SMAD9: variants seen among roughly 807,000 people sequenced by gnomAD.
SMAD9 encodes MAD homolog 9.
Under a neutral mutation model 46.1 loss-of-function variants are expected in SMAD9, and 36 were observed. The ratio of observed to expected loss-of-function variants is 0.78; its 90% CI spans 0.60 to 1.03. SMAD9 has a LOEUF of 1.03. Ranked by LOEUF, SMAD9 falls within the 50% of genes least tolerant of loss-of-function variation. The probability of loss-of-function intolerance (pLI) is 0.00; values close to 1 mark genes in which losing one functional copy is unlikely to be tolerated. For missense variants in SMAD9, 572 were observed against 599.8 expected (o/e 0.95, Z 0.48); for synonymous variants, 245 against 237.1 (o/e 1.03, Z -0.31).
intron 1 of SMAD9, among the ~76,000 whole-genome samples, chr13:36,909,685 C>T (rs1263729598): frequency 6.6e-6 from 1 of 152,214 alleles, no homozygotes; most frequent in Non-Finnish European, 1.5e-5. Flanking sequence ...AGTACCATCA[C>T]TGTCATCTTC....
In SMAD9 at chr13:36,862,839, G is replaced by A. The variant is rs149067353; in HGVS notation, c.1003+2698C>T. ...TTCCAGGAAGGCCTTCCCTGGTTACGCTGGTTTAAAGTCTCCATTCTCTTC... is the reference window on the plus strand; with the variant it reads ...TTCCAGGAAGGCCTTCCCTGGTTACACTGGTTTAAAGTCTCCATTCTCTTC... On this transcript the variant is annotated intron_variant, in intron 5 of 6. Transcript: ENST00000379826. Among the ~76,000 whole-genome samples, 14 of 152,180 alleles carry A rather than the reference G, an allele frequency of 9.2e-5. No individual in the cohort carries two copies. In the East Asian group the frequency reaches 1.5e-3, roughly 17 times the overall value.
intron 1 of SMAD9, among the ~76,000 whole-genome samples, chr13:36,894,792 C>A (rs2058515243): frequency 6.6e-6 from 1 of 152,132 alleles, no homozygotes; most frequent in South Asian, 2.1e-4. Flanking sequence ...TCCCCTGGAG[C>A]CTGTGGTTCC....
chr13:36,888,002 G>A (rs1479204799), intron 1 of SMAD9, among the ~76,000 whole-genome samples: 2 of 152,090 alleles, frequency 1.3e-5, no homozygotes, highest in Non-Finnish European at 2.9e-5. Context: ...ACTCCAACAG[G>A]GGCCCGTCTG....
intron 1 of SMAD9, among the ~76,000 whole-genome samples, chr13:36,907,344 G>A (rs2058627601): frequency 6.6e-6 from 1 of 152,130 alleles, no homozygotes; most frequent in Non-Finnish European, 1.5e-5. Context: ...ACCGGAATGT[G>A]CTTAATGCCA....
intron 5 of SMAD9, among the ~76,000 whole-genome samples, chr13:36,854,556 G>A (rs576646469): frequency 6.6e-6 from 1 of 152,074 alleles, no homozygotes; most frequent in East Asian, 1.9e-4. Context: ...TAGTAGAGAC[G>A]GGGTTTCACC....
intron 5 of SMAD9, among the ~76,000 whole-genome samples, chr13:36,854,156 C>T (rs2058100350): frequency 6.6e-6 from 1 of 151,676 alleles, no homozygotes; most frequent in African/African-American, 2.4e-5. Context: ...AAGATGTCAT[C>T]TCAAAAAAAT....
At chr13:36,856,327 A>G (rs2058124403) in intron 5 of SMAD9, among the ~76,000 whole-genome samples, 2 of 152,176 alleles carry the variant, frequency 1.3e-5, no homozygotes. Flanking sequence ...CATAAGATAA[A>G]TACGATTTTT....
intron 1 of SMAD9, among the ~76,000 whole-genome samples, chr13:36,901,297 G>A (rs946595899): frequency 1.3e-5 from 2 of 152,058 alleles, no homozygotes; most frequent in Non-Finnish European, 2.9e-5. Flanking sequence ...CATCAGAAAC[G>A]TATGAAAATT....
intron 1 of SMAD9, among the ~76,000 whole-genome samples, chr13:36,903,542 TAAAC>T (rs2058595304): frequency 6.6e-6 from 1 of 152,170 alleles, no homozygotes; most frequent in Admixed American, 6.5e-5. Flanking sequence ...ACTATCACAT[TAAAC>T]ATTTTTTTCA....
intron 1 of SMAD9, among the ~76,000 whole-genome samples, chr13:36,901,793 T>C (rs2058578505): frequency 6.6e-6 from 1 of 152,232 alleles, no homozygotes; most frequent in African/African-American, 2.4e-5. Context: ...TGTCCATTTG[T>C]ATGTCTTCTT....
At chr13:36,877,746 C>CA (rs1165840992) in intron 2 of SMAD9, among the ~76,000 whole-genome samples, 3 of 152,316 alleles carry the variant, frequency 2.0e-5, no homozygotes, top group Non-Finnish European at 4.4e-5. Flanking sequence ...AATACCTTCT[C>CA]AGCCAGGGCC....
At chr13:36,914,043 C>G (rs930685510) in intron 1 of SMAD9, among the ~76,000 whole-genome samples, 1 of 152,162 alleles carries the variant, frequency 6.6e-6, no homozygotes, top group Non-Finnish European at 1.5e-5. Flanking sequence ...TGCTAATGTA[C>G]TTCCCTGGCC....
intron 1 of SMAD9, among the ~76,000 whole-genome samples, chr13:36,918,403 G>A (rs2058715189): frequency 6.6e-6 from 1 of 152,182 alleles, no homozygotes; most frequent in East Asian, 1.9e-4. Flanking sequence ...AAGATAACCA[G>A]TCAAGCATAA....
intron 1 of SMAD9, among the ~76,000 whole-genome samples, chr13:36,913,698 C>T (rs1435281969): frequency 6.6e-6 from 1 of 152,166 alleles, no homozygotes; most frequent in East Asian, 1.9e-4. Flanking sequence ...GAAAGGGAAG[C>T]ATTCATGTCC....
intron 1 of SMAD9, among the ~76,000 whole-genome samples, chr13:36,882,255 G>A (rs1265193941): frequency 7.0e-6 from 1 of 142,914 alleles, no homozygotes; most frequent in Non-Finnish European, 1.5e-5. Flanking sequence ...GTGTGTGTGT[G>A]TGTGTATGTG....
At chr13:36,885,844 A>G (rs1044431756) in intron 1 of SMAD9, among the ~76,000 whole-genome samples, 1 of 152,122 alleles carries the variant, frequency 6.6e-6, no homozygotes, top group Non-Finnish European at 1.5e-5. Flanking sequence ...CTGTGACCCC[A>G]AAAAGGTTAA....
chr13:36,877,868 T>C (rs977570434), intron 2 of SMAD9, among the ~76,000 whole-genome samples: 2 of 152,184 alleles, frequency 1.3e-5, no homozygotes, highest in Non-Finnish European at 2.9e-5. Context: ...AAATCACTTA[T>C]TGGATACTGT....
intron 1 of SMAD9, among the ~76,000 whole-genome samples, chr13:36,918,165 A>T (rs1041263505): frequency 2.6e-4 from 39 of 152,350 alleles, no homozygotes; most frequent in African/African-American, 6.0e-4. Context: ...AGTTAAAAAA[A>T]TTTTTTAAAG....
intron 1 of SMAD9, 49 bp from the exon 2 acceptor site, chr13:36,879,924 GAAA>G: frequency 1.8e-6 from 1 of 556,888 alleles, no homozygotes; most frequent in Non-Finnish European, 3.2e-6. Flanking sequence ...GTAACATTCA[GAAA>G]AAGTTGAAGT....
Sources: allele counts gnomAD v4.1 joint callset (sites outside exome capture counted in the v4.1 genomes callset), GRCh38; gene constraint gnomAD v4.1.1; transcripts MANE v1.5; gene names NCBI Gene and HGNC (gene_info 2026-07-23, HGNC 2026-07-21).